The following MLANA variants were observed in gnomAD, a reference collection of about 807,000 sequenced individuals.
MLANA encodes the protein melan-A, also known as melanoma antigen recognized by T-cells 1.
MLANA carries 21 observed loss-of-function variants against 15.7 expected under a neutral mutation model. The ratio of observed to expected loss-of-function variants is 1.33; its 90% CI spans 0.95 to 1.92. MLANA has a LOEUF of 1.92. MLANA is among the 40% of genes most tolerant of loss of function. The pLI, the probability that MLANA is intolerant of heterozygous loss-of-function variation, is 0.00. For missense variants in MLANA, 164 were observed against 143.8 expected, an observed-to-expected ratio of 1.14 and a Z score of -0.72; for synonymous variants, 56 against 51.5, an observed-to-expected ratio of 1.09 and a Z score of -0.37.
chr9:5,898,511 T>C (rs932427147), intron 3 of MLANA, among the ~76,000 whole-genome samples: 1 of 152,180 alleles, frequency 6.6e-6, no homozygotes, highest in African/African-American at 2.4e-5. Context: ...AATACACGAA[T>C]TTTGGGGGAC....
chr9:5,903,008 A>G (rs1832547536), intron 3 of MLANA, among the ~76,000 whole-genome samples: 1 of 152,166 alleles, frequency 6.6e-6, no homozygotes, highest in Non-Finnish European at 1.5e-5. Flanking sequence ...AGTATCCCAC[A>G]AATTCTGATA....
chr9:5,908,603 T>C (rs771864243), intron 4 of MLANA, 37 bp from the exon 5 acceptor site: 1 of 1,559,300 alleles, frequency 6.4e-7, no homozygotes, highest in Non-Finnish European at 8.8e-7. Flanking sequence ...ACATACACTG[T>C]TGCCAAGCCC....
Position 5,892,585 on chromosome 9 carries a change from G to C in MLANA, c.77+34G>C, listed in dbSNP as rs745996269. On this transcript the variant is annotated intron_variant, in intron 2 of 4. Transcript: ENST00000381477. ...AAAACCAGACCCAGCAGGGCTTCCA[G>C]TTTGCCGTTTGCTGACACAGCCTGC... 11 of 1,591,006 alleles carry C rather than the reference G, an allele frequency of 6.9e-6. No individual in the cohort carries two copies. In the South Asian group the frequency reaches 1.0e-4, roughly 15 times the overall value.
intron 2 of MLANA, among the ~76,000 whole-genome samples, chr9:5,893,882 T>C (rs1831827658): frequency 6.6e-6 from 1 of 151,490 alleles, no homozygotes; most frequent in Non-Finnish European, 1.5e-5. Context: ...GGGGCACACG[T>C]CACTTCTGCT....
intron 3 of MLANA, among the ~76,000 whole-genome samples, chr9:5,904,086 G>C (rs1239777732): frequency 6.6e-6 from 1 of 152,034 alleles, no homozygotes; most frequent in African/African-American, 2.4e-5. Context: ...TTGAACTCCT[G>C]AGCTCAGGCA....
intron 3 of MLANA, among the ~76,000 whole-genome samples, chr9:5,900,510 CCT>C (rs1486735681): frequency 6.6e-6 from 1 of 151,974 alleles, no homozygotes; most frequent in Non-Finnish European, 1.5e-5. Flanking sequence ...TACATAATTA[CCT>C]CCCTTTCTGT....
chr9:5,906,907 C>G lies in MLANA; in HGVS notation c.197C>G (p.Thr66Ser), dbSNP rs1194827792. 9.5e-6 allele frequency: 15 copies of G among 1,585,990 alleles called. No homozygotes were observed. The highest frequency in any genetic ancestry group is 1.4e-5 in the African/African-American group (1 of 72,720). The change falls in exon 4 of 5, where the codon ACT (threonine) becomes AGT (serine). Residue 66 changes from threonine (T) to serine (S), a missense_variant. By Grantham distance (58) the Thr-to-Ser change is moderately conservative. Transcript: ENST00000381477. ...CAGGATAAAAGTCTTCATGTTGGCACTCAATGTGCCTTAACAAGAAGATGC... is the reference window on the plus strand; with the variant it reads ...CAGGATAAAAGTCTTCATGTTGGCAGTCAATGTGCCTTAACAAGAAGATGC... ...ALMDKSLHVGTQCALTRRCPQ... is the reference protein window; with the variant it reads ...ALMDKSLHVGSQCALTRRCPQ...
intron 2 of MLANA, 91 bp from the exon 3 acceptor site, chr9:5,897,466 G>A: frequency 1.6e-6 from 2 of 1,224,062 alleles, no homozygotes; most frequent in Admixed American, 1.7e-5. Flanking sequence ...GGTCGTCAAA[G>A]TCCATATGAA....
chr9:5,902,972 T>C (rs1377078946), intron 3 of MLANA, among the ~76,000 whole-genome samples: 1 of 152,236 alleles, frequency 6.6e-6, no homozygotes, highest in Non-Finnish European at 1.5e-5. Context: ...TACATTTCCC[T>C]CTAAATACTG....
chr9:5,903,565 T>C (rs1013936924), intron 3 of MLANA, among the ~76,000 whole-genome samples: 1 of 152,184 alleles, frequency 6.6e-6, no homozygotes, highest in African/African-American at 2.4e-5. Context: ...TGGCTTTGTG[T>C]TATTTCTGAT....
chr9:5,904,346 C>G (rs932436482), intron 3 of MLANA, among the ~76,000 whole-genome samples: 1 of 151,110 alleles, frequency 6.6e-6, no homozygotes, highest in South Asian at 2.1e-4. Flanking sequence ...CATATTGTTA[C>G]TGTTTTCTAC....
In MLANA at chr9:5,910,073, C is replaced by T. The variant is rs1397418957; in HGVS notation, c.*1365C>T. The T allele has an allele frequency of 6.6e-6, 1 of 152,164 alleles. No homozygotes were observed. The highest frequency in any genetic ancestry group is 1.5e-5 in the Non-Finnish European group (1 of 68,036). The allele number at this position is 152,164 out of a possible 1,614,324, so 9.4% of individuals were successfully genotyped here. A position where few individuals can be genotyped will look rare whatever the true frequency, so the allele number is the denominator to read the frequency against. Reference sequence around the variant, plus strand: ...AGAAAATACTAATGGTCACAGAAGGCTATGAACCTGAGACCTGCTCTCTTT... The same window carrying T: ...AGAAAATACTAATGGTCACAGAAGGTTATGAACCTGAGACCTGCTCTCTTT... On this transcript the variant is annotated 3_prime_UTR_variant, in exon 5 of 5. Coordinates refer to ENST00000381477, the MANE Select transcript of MLANA (RefSeq NM_005511.2).
chr9:5,895,946 G>A (rs1248202671), intron 2 of MLANA, among the ~76,000 whole-genome samples: 1 of 152,232 alleles, frequency 6.6e-6, no homozygotes, highest in African/African-American at 2.4e-5. Flanking sequence ...ACGCCACAGG[G>A]TAAAATGAGA....
At chr9:5,908,543 G>A (rs921337259) in intron 4 of MLANA, 97 bp from the exon 5 acceptor site, 199 of 1,084,200 alleles carry the variant, frequency 1.8e-4, no homozygotes, top group Middle Eastern at 4.0e-4. Flanking sequence ...TCAGTCCACA[G>A]GGAAAGTATA....
At chr9:5,905,065 G>A (rs1202456859) in intron 3 of MLANA, among the ~76,000 whole-genome samples, 2 of 152,172 alleles carry the variant, frequency 1.3e-5, no homozygotes, top group South Asian at 2.1e-4. Flanking sequence ...GAGCCACCGT[G>A]CCCGGCCTTA....
Position 5,905,045 on chromosome 9 carries a change from T to A in MLANA, c.175-1840T>A, listed in dbSNP as rs144036309. Reference sequence around the variant, plus strand: ...GCCTTGACCTCCCAAAGTGCTGCGATTACAGGTGTGAGCCACCGTGCCCGG... The same window carrying A: ...GCCTTGACCTCCCAAAGTGCTGCGAATACAGGTGTGAGCCACCGTGCCCGG... On this transcript the variant is annotated intron_variant, in intron 3 of 4. Coordinates refer to ENST00000381477, the MANE Select transcript of MLANA (RefSeq NM_005511.2). Among the ~76,000 whole-genome samples the A allele has an allele frequency of 5.4e-4, 83 of 152,338 alleles. No homozygotes were observed. In the Middle Eastern group the frequency reaches 0.01, roughly 19 times the overall value.
At chr9:5,891,258 C>T (rs573908694) in intron 1 of MLANA, 5 of 152,274 alleles carry the variant, frequency 3.3e-5, no homozygotes, top group Non-Finnish European at 4.4e-5. Flanking sequence ...TAGTAAGAGG[C>T]GCATTTGCTG....
At chr9:5,896,589 C>T (rs1273330106) in intron 2 of MLANA, among the ~76,000 whole-genome samples, 2 of 152,340 alleles carry the variant, frequency 1.3e-5, no homozygotes, top group East Asian at 3.9e-4. Flanking sequence ...GTAAGTCACT[C>T]AGCTCTGCAG....
At chr9:5,904,100 C>T (rs752979400) in intron 3 of MLANA, among the ~76,000 whole-genome samples, 12 of 152,022 alleles carry the variant, frequency 7.9e-5, no homozygotes, top group East Asian at 3.9e-4. Flanking sequence ...TCAGGCAATC[C>T]GCCTGCCTTG....
Sources: allele counts gnomAD v4.1 joint callset (sites outside exome capture counted in the v4.1 genomes callset), GRCh38; gene constraint gnomAD v4.1.1; transcripts MANE v1.5; gene names NCBI Gene and HGNC (gene_info 2026-07-23, HGNC 2026-07-21).